Variants in RTN4IP1 observed in about 807,000 individuals in gnomAD.
RTN4IP1 encodes NAD(P)H oxidoreductase RTN4IP1, mitochondrial.
In RTN4IP1, 32 loss-of-function variants were observed where a neutral mutation model predicts 46.6. The ratio of observed to expected loss-of-function variants is 0.69; its 90% CI spans 0.52 to 0.92. RTN4IP1 has a LOEUF of 0.92. Ranked by LOEUF, RTN4IP1 falls within the 40% of genes least tolerant of loss-of-function variation. The pLI is 0.00. For synonymous variants in RTN4IP1, 167 were observed against 161.8 expected (o/e 1.03, Z -0.24); for missense variants, 424 against 485.8 (o/e 0.87, Z 1.20).
At chr6:106,591,106 G>A (rs1053507066) in intron 6 of RTN4IP1, among the ~76,000 whole-genome samples, 1 of 152,192 alleles carries the variant, frequency 6.6e-6, no homozygotes, top group Admixed American at 6.5e-5. Context: ...CCACTCAAAT[G>A]TTGCTTCCTC....
rs767771974 is a variant in RTN4IP1, at chr6:106,620,347, C to T, written c.496-1021G>A. The stretch of plus-strand genomic sequence containing the variant: ...CTCGAACTCCTGACCTTGTGATCCA[C>T]GCACCTCGGCCTCCCAAAATGCTGG... On this transcript the variant is annotated intron_variant, in intron 3 of 8. Transcript: ENST00000369063. Among the ~76,000 whole-genome samples, 5 of 152,148 alleles carry T rather than the reference C, an allele frequency of 3.3e-5. 1 individual carries two copies. The South Asian group carries it at 6.2e-4, about 19-fold the overall frequency.
chr6:106,604,445 GA>G (rs1190031467), intron 4 of RTN4IP1, among the ~76,000 whole-genome samples: 8 of 152,098 alleles, frequency 5.3e-5, no homozygotes, highest in Non-Finnish European at 1.2e-4. Flanking sequence ...TGAGTACTTT[GA>G]AGTAAAGAAG....
chr6:106,585,749 T>G (rs934047472), intron 7 of RTN4IP1, among the ~76,000 whole-genome samples: 14 of 152,142 alleles, frequency 9.2e-5, no homozygotes, highest in Admixed American at 9.2e-4. Flanking sequence ...TTAAAAGGTT[T>G]TCACATGAGA....
chr6:106,583,582 A>G (rs1276289713), intron 7 of RTN4IP1, 162 bp from the exon 8 acceptor site: 2 of 585,100 alleles, frequency 3.4e-6, no homozygotes, highest in Non-Finnish European at 6.2e-6. Flanking sequence ...ACTGACAGAG[A>G]ATGGATGCTC....
intron 5 of RTN4IP1, among the ~76,000 whole-genome samples, chr6:106,599,935 G>A (rs996908646): frequency 6.6e-6 from 1 of 151,388 alleles, no homozygotes; most frequent in Admixed American, 6.6e-5. Context: ...CTAACCAACT[G>A]TGTATGATAT....
At chr6:106,601,146 G>A (rs1046538521) in intron 5 of RTN4IP1, among the ~76,000 whole-genome samples, 1 of 151,988 alleles carries the variant, frequency 6.6e-6, no homozygotes, top group Non-Finnish European at 1.5e-5. Flanking sequence ...ACTGTGGTTT[G>A]GATTTGCATT....
intron 1 of RTN4IP1, among the ~76,000 whole-genome samples, chr6:106,625,325 G>A (rs1776608099): frequency 6.6e-6 from 1 of 151,974 alleles, no homozygotes. Flanking sequence ...TTAGATCTTA[G>A]GGATGAGGAG....
chr6:106,573,115 G>A (rs989540587), intron 8 of RTN4IP1, among the ~76,000 whole-genome samples: 1 of 152,140 alleles, frequency 6.6e-6, no homozygotes, highest in Admixed American at 6.5e-5. Flanking sequence ...AATGCTGCTG[G>A]GTCTTTTCAC....
intron 1 of RTN4IP1, among the ~76,000 whole-genome samples, chr6:106,624,922 C>T (rs1196812339): frequency 1.2e-4 from 10 of 85,252 alleles, no homozygotes. Flanking sequence ...GGTGACAAAG[C>T]AAAGCTCTGT....
chr6:106,602,865 T>C lies in RTN4IP1; in HGVS notation c.669+9A>G. The C allele has an allele frequency of 2.5e-6, 4 of 1,577,248 alleles. No homozygotes were observed. In the South Asian group the frequency reaches 4.7e-5, roughly 19 times the overall value. ...TCCTCCTATTCACAAGATTAAAAAA[T>C]GGTTTTACCTGTATAGCAAAAGTAC... On this transcript the variant is annotated intron_variant, in intron 5 of 8. Coordinates refer to ENST00000369063, the MANE Select transcript of RTN4IP1 (RefSeq NM_032730.5).
At chr6:106,592,447 T>C (rs1016988109) in intron 5 of RTN4IP1, 147 bp from the exon 6 acceptor site, 18 of 796,810 alleles carry the variant, frequency 2.3e-5, no homozygotes, top group African/African-American at 3.5e-5. Flanking sequence ...ACCAGAACTA[T>C]AGGAAGCCAT....
intron 4 of RTN4IP1, among the ~76,000 whole-genome samples, chr6:106,613,525 G>C (rs1192022849): frequency 6.6e-6 from 1 of 152,142 alleles, no homozygotes; most frequent in East Asian, 1.9e-4. Flanking sequence ...AACTAATCAG[G>C]ATTGTTCATT....
chr6:106,597,857 C>T (rs1186403385), intron 5 of RTN4IP1, among the ~76,000 whole-genome samples: 1 of 152,066 alleles, frequency 6.6e-6, no homozygotes, highest in Non-Finnish European at 1.5e-5. Flanking sequence ...CCCCGCACCC[C>T]ACCACAGTCC....
At chr6:106,595,244 C>T (rs971707338) in intron 5 of RTN4IP1, among the ~76,000 whole-genome samples, 4 of 152,178 alleles carry the variant, frequency 2.6e-5, no homozygotes, top group Admixed American at 6.5e-5. Context: ...CAGTTCCACA[C>T]GTCGCTCTGT....
intron 4 of RTN4IP1, among the ~76,000 whole-genome samples, chr6:106,604,870 C>T (rs1469583299): frequency 6.6e-6 from 1 of 152,168 alleles, no homozygotes; most frequent in Admixed American, 6.5e-5. Flanking sequence ...ACCTTATTAC[C>T]TGCCCAGGTC....
chr6:106,615,977 T>G (rs1485696505), intron 4 of RTN4IP1, among the ~76,000 whole-genome samples: 2 of 151,860 alleles, frequency 1.3e-5, no homozygotes, highest in East Asian at 3.9e-4. Flanking sequence ...GGAGTACCGT[T>G]GCGCAATCTC....
Position 106,571,795 on chromosome 6 carries a change from C to A in RTN4IP1, c.*201G>T. On this transcript the variant is annotated 3_prime_UTR_variant, in exon 9 of 9. Coordinates refer to ENST00000369063, the MANE Select transcript of RTN4IP1 (RefSeq NM_032730.5). ...AACAGCTTGAAAAAACTTCGAATTT[C>A]TACTGACTACAGACAAATCCAAGTG... 2.0e-6 allele frequency: 1 copy of A among 488,840 alleles called. No individual in the cohort carries two copies. 30.3% of individuals were successfully genotyped at this position (488,840 alleles called of 1,614,324 possible). A position where few individuals can be genotyped will look rare whatever the true frequency, so the allele number is the denominator to read the frequency against.
chr6:106,626,486 T>C (rs1342997787), intron 1 of RTN4IP1, among the ~76,000 whole-genome samples: 1 of 152,254 alleles, frequency 6.6e-6, no homozygotes, highest in Non-Finnish European at 1.5e-5. Flanking sequence ...ACAACAGAAG[T>C]GGACATTTAG....
rs140950546 is a variant in RTN4IP1, at chr6:106,625,868, A to C, written c.274+2880T>G. Among the ~76,000 whole-genome samples the C allele has an allele frequency of 3.3e-3, 503 of 151,600 alleles. 5 individuals are homozygous for C. The highest frequency in any genetic ancestry group is 0.011 in the African/African-American group (472 of 41,334). ...ACGGGGTTTCTCCATGTTGATCAGG[A>C]TGGTCTCGAACTCCTGATCTCAGGT... On this transcript the variant is annotated intron_variant, in intron 1 of 8. Coordinates refer to ENST00000369063, the MANE Select transcript of RTN4IP1 (RefSeq NM_032730.5).
Sources: allele counts gnomAD v4.1 joint callset (sites outside exome capture counted in the v4.1 genomes callset), GRCh38; gene constraint gnomAD v4.1.1; transcripts MANE v1.5; gene names NCBI Gene and HGNC (gene_info 2026-07-23, HGNC 2026-07-21).